Variants in NPAS3 observed in about 807,000 individuals in gnomAD.
NPAS3 encodes neuronal PAS domain protein 3.
A neutral mutation model predicts 73.1 loss-of-function variants in NPAS3; 14 were observed. The ratio of observed to expected loss-of-function variants is 0.19; its 90% CI spans 0.13 to 0.30. The LOEUF (loss-of-function observed/expected upper bound fraction) is 0.30. Ranked by LOEUF, NPAS3 falls within the 10% of genes least tolerant of loss-of-function variation. NPAS3 has a pLI of 1.00. For synonymous variants in NPAS3, 620 were observed against 541.5 expected (o/e 1.14, Z -2.01); for missense variants, 1,096 against 1,250.0 (o/e 0.88, Z 1.86).
chr14:33,583,362 A>G (rs1443951518), intron 5 of NPAS3: 1 of 152,284 alleles, frequency 6.6e-6, no homozygotes, highest in African/African-American at 2.4e-5. Context: ...GTGAGAAGAC[A>G]GAGAAATCAC....
intron 4 of NPAS3, among the ~76,000 whole-genome samples, chr14:33,487,154 A>C (rs1311774131): frequency 6.6e-6 from 1 of 152,196 alleles, no homozygotes; most frequent in Non-Finnish European, 1.5e-5. Flanking sequence ...GAAACTAAAA[A>C]ACAAATTTGC....
At chr14:33,503,353 G>A (rs992894146) in intron 4 of NPAS3, among the ~76,000 whole-genome samples, 13 of 151,968 alleles carry the variant, frequency 8.6e-5, no homozygotes, top group African/African-American at 2.6e-4. Flanking sequence ...TACTTATAAT[G>A]ACTATAATAA....
At chr14:33,323,184 C>A (rs2043537130) in intron 3 of NPAS3, among the ~76,000 whole-genome samples, 1 of 152,174 alleles carries the variant, frequency 6.6e-6, no homozygotes, top group Non-Finnish European at 1.5e-5. Flanking sequence ...CCAAAGGCCC[C>A]TCTGGGATAG....
At chr14:33,616,801 G>C (rs997460013) in intron 5 of NPAS3, among the ~76,000 whole-genome samples, 6 of 152,174 alleles carry the variant, frequency 3.9e-5, no homozygotes, top group Admixed American at 2.6e-4. Flanking sequence ...CTAAAACATA[G>C]TGATCTGTCA....
intron 4 of NPAS3, among the ~76,000 whole-genome samples, chr14:33,539,543 G>A (rs2054412498): frequency 6.6e-6 from 1 of 151,976 alleles, no homozygotes; most frequent in South Asian, 2.1e-4. Context: ...ACGAAAGACT[G>A]GAGCAGTATA....
At chr14:33,458,810 T>A (rs374269180) in intron 4 of NPAS3, among the ~76,000 whole-genome samples, 2 of 152,198 alleles carry the variant, frequency 1.3e-5, no homozygotes, top group African/African-American at 4.8e-5. Context: ...TTTGATTAAA[T>A]TATTACATAC....
chr14:33,741,247 G>A (rs566921101), intron 7 of NPAS3, among the ~76,000 whole-genome samples: 7 of 152,250 alleles, frequency 4.6e-5, no homozygotes, highest in South Asian at 4.2e-4. Flanking sequence ...TTGTGTTGTC[G>A]TGAAATGATG....
intron 1 of NPAS3, among the ~76,000 whole-genome samples, chr14:33,048,513 C>T (rs1229453111): frequency 6.6e-6 from 1 of 152,242 alleles, no homozygotes; most frequent in Non-Finnish European, 1.5e-5. Flanking sequence ...GCCTCCTGAG[C>T]TGCTTTGACT....
At chr14:33,344,111 T>C (rs2044620135) in intron 3 of NPAS3, among the ~76,000 whole-genome samples, 1 of 152,104 alleles carries the variant, frequency 6.6e-6, no homozygotes, top group Non-Finnish European at 1.5e-5. Flanking sequence ...TTAAAACTGA[T>C]TATTATTCAT....
chr14:33,443,758 C>A (rs1045278060), intron 4 of NPAS3, among the ~76,000 whole-genome samples: 1 of 152,186 alleles, frequency 6.6e-6, no homozygotes, highest in African/African-American at 2.4e-5. Context: ...GGTCCATTTA[C>A]AGGAAGTGGC....
chr14:33,278,358 G>A (rs2041432575), intron 3 of NPAS3, among the ~76,000 whole-genome samples: 1 of 152,132 alleles, frequency 6.6e-6, no homozygotes, highest in Non-Finnish European at 1.5e-5. Context: ...GTCACCTAGA[G>A]ATAAATGTGT....
rs768669923 is a variant in NPAS3, at chr14:32,996,208, C to T, written c.50+56842C>T. Among the ~76,000 whole-genome samples, 131 of 152,128 alleles carry T rather than the reference C, an allele frequency of 8.6e-4. 3 individuals carry two copies. Among genetic ancestry groups the T allele is most frequent in the Non-Finnish European group, 2.1e-4 (14 of 68,026 alleles). ...GAAGGAGATGATTTAGGGTATCTAG[C>T]AGAAGAAATTTCTAAGCAGAAAGCA... On this transcript the variant is annotated intron_variant, in intron 1 of 11. Transcript: ENST00000356141.
At chr14:32,977,240 T>C (rs1387667382) in intron 1 of NPAS3, among the ~76,000 whole-genome samples, 2 of 152,140 alleles carry the variant, frequency 1.3e-5, no homozygotes, top group African/African-American at 4.8e-5. Flanking sequence ...TATTTTTTAT[T>C]ATTTAAAATA....
At chr14:33,348,279 C>T (rs1157641105) in intron 3 of NPAS3, among the ~76,000 whole-genome samples, 1 of 152,114 alleles carries the variant, frequency 6.6e-6, no homozygotes, top group Non-Finnish European at 1.5e-5. Context: ...TCTCTCCCTT[C>T]CCACCATGGG....
At chr14:33,414,358 A>G (rs1014863834) in intron 4 of NPAS3, among the ~76,000 whole-genome samples, 2 of 152,156 alleles carry the variant, frequency 1.3e-5, no homozygotes, top group Admixed American at 6.6e-5. Context: ...TTCTTATTTT[A>G]GTATTAAGAT....
At chr14:33,089,799 C>T (rs1046210359) in intron 2 of NPAS3, among the ~76,000 whole-genome samples, 1 of 152,312 alleles carries the variant, frequency 6.6e-6, no homozygotes, top group African/African-American at 2.4e-5. Flanking sequence ...CAGCAGATCT[C>T]TCGGCAGAAA....
At chr14:33,666,904 T>C (rs1051122012) in intron 5 of NPAS3, among the ~76,000 whole-genome samples, 3 of 152,210 alleles carry the variant, frequency 2.0e-5, no homozygotes, top group African/African-American at 4.8e-5. Context: ...CCCTTTCATG[T>C]CATTTTCATG....
At chr14:33,479,587 T>A (rs191181893) in intron 4 of NPAS3, among the ~76,000 whole-genome samples, 1 of 152,330 alleles carries the variant, frequency 6.6e-6, no homozygotes, top group Non-Finnish European at 1.5e-5. Context: ...AAAGTGCAGC[T>A]TGTGATCCCT....
intron 1 of NPAS3, among the ~76,000 whole-genome samples, chr14:33,027,420 T>C (rs922299098): frequency 2.0e-5 from 3 of 152,174 alleles, no homozygotes. Flanking sequence ...TCTCTCAATA[T>C]ATATTGGTAT....
Sources: allele counts gnomAD v4.1 joint callset (sites outside exome capture counted in the v4.1 genomes callset), GRCh38; gene constraint gnomAD v4.1.1; transcripts MANE v1.5; gene names NCBI Gene and HGNC (gene_info 2026-07-23, HGNC 2026-07-21).